Variants in SYTL2 observed in about 807,000 individuals in gnomAD.
The protein encoded by SYTL2 is synaptotagmin-like protein 2.
In SYTL2, 165 loss-of-function variants were observed where a neutral mutation model predicts 198.7. The observed-to-expected ratio is 0.83, with a 90% confidence interval of 0.73 to 0.94. The LOEUF (loss-of-function observed/expected upper bound fraction) is 0.94. SYTL2 is among the 40% of genes least tolerant of loss of function. The pLI is 0.00. For synonymous variants in SYTL2, 966 were observed against 917.7 expected (o/e 1.05, Z -0.95); for missense variants, 2,835 against 2,582.8 (o/e 1.10, Z -2.12).
Position 85,734,248 on chromosome 11 carries a change from C to G in SYTL2, c.1081G>C (p.Glu361Gln). ...GREVGEFSVLESDRLKNGMED... is the reference protein window; with the variant it reads ...GREVGEFSVLQSDRLKNGMED... ...ATTCCATTTTTCAATCTGTCAGATT[C>G]TAAAACACTAAATTCTCCTACTTCC... The change falls in exon 7 of 20, where the codon GAA (glutamate) becomes CAA (glutamine). Residue 361 changes from glutamate to glutamine, a missense_variant. By Grantham distance (29) the Glu-to-Gln change is conservative. This residue lies in a region of SYTL2 where 2,645 missense variants were observed against 2,381.7 expected (regional missense o/e 1.11). Coordinates refer to ENST00000359152, the MANE Select transcript of SYTL2 (RefSeq NM_206927.4). The G allele has an allele frequency of 6.2e-7, 1 of 1,614,174 alleles. No homozygotes were observed. The highest frequency in any genetic ancestry group is 8.5e-7 in the Non-Finnish European group (1 of 1,180,006).
the SYTL2 span, among the ~76,000 whole-genome samples, chr11:85,843,678 T>C: frequency 6.6e-6 from 1 of 152,188 alleles, no homozygotes; most frequent in Non-Finnish European, 1.5e-5. Flanking sequence ...ACAGAAAAGT[T>C]TCACATTCTC....
chr11:85,830,245 T>C, the SYTL2 span, among the ~76,000 whole-genome samples: 1 of 152,214 alleles, frequency 6.6e-6, no homozygotes, highest in African/African-American at 2.4e-5. Flanking sequence ...GTGATGTTGA[T>C]GTTGCAGGAC....
chr11:85,705,503 CAT>C (rs1283822306), intron 15 of SYTL2, among the ~76,000 whole-genome samples: 3 of 152,134 alleles, frequency 2.0e-5, no homozygotes, highest in Non-Finnish European at 2.9e-5. Flanking sequence ...TATGCTGCCA[CAT>C]ACACACACCT....
At position 85,698,878 on chromosome 11, in the gene SYTL2, T is replaced by C. The variant is rs148770795; in HGVS notation, c.6269-800A>G. Among the ~76,000 whole-genome samples the C allele has an allele frequency of 3.3e-3, 504 of 152,352 alleles. 2 individuals are homozygous for C. Among genetic ancestry groups the C allele is most frequent in the Non-Finnish European group, 4.9e-3 (335 of 68,036 alleles). ...ATTTTATAGGGATACTGTATGTACA[T>C]ACGTAATAGTTAATATTATGGGCAG... On this transcript the variant is annotated intron_variant, in intron 17 of 19. Coordinates refer to ENST00000359152, the MANE Select transcript of SYTL2 (RefSeq NM_206927.4).
rs114620129 is a variant in SYTL2 at position 85,725,486 on chromosome 11, C to A, written c.3872G>T (p.Cys1291Phe). The A allele has an allele frequency of 2.5e-6, 4 of 1,614,006 alleles. No homozygotes were observed. Among genetic ancestry groups the A allele is most frequent in the Non-Finnish European group, 3.4e-6 (4 of 1,179,922 alleles). ...ALLKKAESGE[C>F]QLSTQNLIQM... ...AATCAAATTCTGTGTGCTTAGCTGG[C>A]ACTCACCACTTTCAGCTTTCTTGAG... Residue 1291 changes from cysteine to phenylalanine, a missense_variant, in exon 8 of 20, where the codon TGC becomes TTC. Cys to Phe is a radical substitution (Grantham distance 205). Coordinates refer to ENST00000359152, the MANE Select transcript of SYTL2 (RefSeq NM_206927.4).
In SYTL2 at chr11:85,697,977, A is replaced by AC; in HGVS notation, c.6368+1dup. ...TGCAGACAGAGTCATCAATACTATT[A>AC]CCATTTAACAAAAGAATTTAGATGA... On this transcript the variant is annotated splice_donor_variant, in intron 18 of 19. Transcript: ENST00000359152. LOFTEE classifies it high-confidence loss of function. 1.9e-6 allele frequency: 3 copies of AC among 1,598,932 alleles called. No homozygotes were observed. Among genetic ancestry groups the AC allele is most frequent in the Non-Finnish European group, 2.6e-6 (3 of 1,166,308 alleles).
At chr11:85,705,092 GA>G in intron 15 of SYTL2, 64 bp from the exon 16 acceptor site, 1 of 1,321,546 alleles carries the variant, frequency 7.6e-7, no homozygotes, top group Non-Finnish European at 1.1e-6. Context: ...TTATAACACA[GA>G]GATGAAGAGA....
At chr11:85,842,052 T>C in the SYTL2 span, among the ~76,000 whole-genome samples, 1 of 152,158 alleles carries the variant, frequency 6.6e-6, no homozygotes, top group South Asian at 2.1e-4. Flanking sequence ...TGCTAGGCAA[T>C]GGTGGTATAA....
In SYTL2 at chr11:85,757,866, G is replaced by T; in HGVS notation, c.-141C>A. Reference sequence around the variant, plus strand: ...AGTTCTGCATCAAAGTCTTATTTTGGCTCAGCAAAAGTTTAGGGCAGCTGA... The same window carrying T: ...AGTTCTGCATCAAAGTCTTATTTTGTCTCAGCAAAAGTTTAGGGCAGCTGA... On this transcript the variant is annotated 5_prime_UTR_variant, in exon 2 of 20. Coordinates refer to ENST00000359152, the MANE Select transcript of SYTL2 (RefSeq NM_206927.4). The T allele has an allele frequency of 7.7e-7, 1 of 1,305,858 alleles. No individual in the cohort carries two copies. Among genetic ancestry groups the T allele is most frequent in the Non-Finnish European group, 1.0e-6 (1 of 960,378 alleles). The allele number at this position is 1,305,858 out of a possible 1,614,324, so 80.9% of individuals were successfully genotyped here. A position where few individuals can be genotyped will look rare whatever the true frequency, so the allele number is the denominator to read the frequency against.
chr11:85,833,067 GAAAGAAAGAAAGAAAGAAAGAAA>G, the SYTL2 span, among the ~76,000 whole-genome samples: 1 of 42,302 alleles, frequency 2.4e-5, no homozygotes, highest in Non-Finnish European at 5.1e-5. Context: ...AAGAAAGAAA[GAAAGAAAGAAAGAAAGAAAGAAA>G]GAAAGAAAGA....
At position 85,730,747 on chromosome 11, in the gene SYTL2, A is replaced by C. The variant is rs538842770; in HGVS notation, c.1391-2780T>G. ...TAGTATTGGAAGTTCTGGCTAGGACAATCAGGCAAGAGAAAAAAAAAAATG... is the reference window on the plus strand; with the variant it reads ...TAGTATTGGAAGTTCTGGCTAGGACCATCAGGCAAGAGAAAAAAAAAAATG... On this transcript the variant is annotated intron_variant, in intron 7 of 19. Transcript: ENST00000359152. Among the ~76,000 whole-genome samples, 29 of 152,310 alleles carry C rather than the reference A, an allele frequency of 1.9e-4. 1 individual carries two copies. In the South Asian group the frequency reaches 5.8e-3, roughly 30 times the overall value.
chr11:85,826,329 T>C, the SYTL2 span, among the ~76,000 whole-genome samples: 1 of 152,220 alleles, frequency 6.6e-6, no homozygotes, highest in African/African-American at 2.4e-5. Context: ...TCAAGTAGTG[T>C]CCAAACTGAT....
At chr11:85,757,570 T>G (rs1474066039) in intron 2 of SYTL2, 55 bp downstream of exon 2, 3 of 1,595,066 alleles carry the variant, frequency 1.9e-6, no homozygotes, top group Non-Finnish European at 2.6e-6. Context: ...GTGTCCTATT[T>G]TCGTACAGAC....
the SYTL2 span, among the ~76,000 whole-genome samples, chr11:85,824,493 G>C: frequency 6.6e-6 from 1 of 152,192 alleles, no homozygotes; most frequent in African/African-American, 2.4e-5. Flanking sequence ...TTTCACTGAA[G>C]ATTTCCCACT....
At position 85,730,819 on chromosome 11, in the gene SYTL2, T is replaced by C. The variant is rs1466136185; in HGVS notation, c.1391-2852A>G. ...AGGTCAAATTGTCTCTTTTTGCAGA[T>C]GACATGATTGTATATTTAGAAAACC... On this transcript the variant is annotated intron_variant, in intron 7 of 19. Coordinates refer to ENST00000359152, the MANE Select transcript of SYTL2 (RefSeq NM_206927.4). 5.9e-5 allele frequency among the ~76,000 whole-genome samples: 9 copies of C among 152,172 alleles called. No individual in the cohort carries two copies. The East Asian group carries it at 1.7e-3, about 29-fold the overall frequency.
chr11:85,844,986 A>G, the SYTL2 span, among the ~76,000 whole-genome samples: 1 of 152,048 alleles, frequency 6.6e-6, no homozygotes, highest in African/African-American at 2.4e-5. Flanking sequence ...TTAGAAACTC[A>G]TCATTTTCGT....
chr11:85,744,009 G>T (rs2090980409), intron 4 of SYTL2, among the ~76,000 whole-genome samples: 1 of 151,966 alleles, frequency 6.6e-6, no homozygotes, highest in South Asian at 2.1e-4. Context: ...CTCTCTTTGT[G>T]TTTCTTTAAC....
chr11:85,740,041 G>A (rs543244624), intron 4 of SYTL2, among the ~76,000 whole-genome samples: 20 of 152,034 alleles, frequency 1.3e-4, no homozygotes, highest in African/African-American at 2.7e-4. Flanking sequence ...ACCATTCTAC[G>A]TTCTACCACT....
chr11:85,805,228 T>C (rs891345732), intron 1 of SYTL2, among the ~76,000 whole-genome samples: 2 of 151,576 alleles, frequency 1.3e-5, no homozygotes, highest in African/African-American at 4.9e-5. Flanking sequence ...TGGTGGCTCA[T>C]GCCTGTAACC....
Sources: gnomAD v4.1 joint callset for allele counts (sites outside exome capture counted in the v4.1 genomes callset) on GRCh38, gnomAD v4.1.1 for gene constraint, gnomAD v4.1.1 regional missense constraint, MANE v1.5 for transcripts, NCBI Gene and HGNC (gene_info 2026-07-23, HGNC 2026-07-21) for gene names.